Variants in COL13A1 observed in about 807,000 individuals in gnomAD.
COL13A1 encodes the protein collagen alpha-1(XIII) chain.
In COL13A1, 89 loss-of-function variants were observed where a neutral mutation model predicts 130.9. That is an observed-to-expected ratio of 0.68 (90% CI 0.57 to 0.81). The LOEUF (loss-of-function observed/expected upper bound fraction) is 0.81, where lower values mean the gene tolerates loss of function less well. Among genes scored for constraint, COL13A1 ranks in the 30% least tolerant of loss-of-function variants. The pLI is 0.00. For missense variants in COL13A1, 879 were observed against 934.6 expected (o/e 0.94, Z 0.78); for synonymous variants, 402 against 341.6 (o/e 1.18, Z -1.95).
chr10:69,892,888 C>G (rs1029818826), intron 10 of COL13A1, among the ~76,000 whole-genome samples: 1 of 152,178 alleles, frequency 6.6e-6, no homozygotes, highest in Non-Finnish European at 1.5e-5. Flanking sequence ...CCTGGGCCAC[C>G]GTTTGGGATG....
At chr10:69,860,747 G>C (rs1857818619) in intron 2 of COL13A1, 1 of 257,622 alleles carries the variant, frequency 3.9e-6, no homozygotes, top group Non-Finnish European at 7.7e-6. Flanking sequence ...TGAGCCCCAG[G>C]CTGCTATCCC....
chr10:69,849,133 C>T (rs1853984044), intron 2 of COL13A1, among the ~76,000 whole-genome samples: 1 of 152,208 alleles, frequency 6.6e-6, no homozygotes, highest in Non-Finnish European at 1.5e-5. Context: ...TTAGAATTTT[C>T]AAAGGTTCTG....
chr10:69,869,579 G>A (rs2058856420), intron 3 of COL13A1, among the ~76,000 whole-genome samples: 1 of 152,214 alleles, frequency 6.6e-6, no homozygotes, highest in Admixed American at 6.5e-5. Flanking sequence ...GAACATAACT[G>A]TGCAGGATGG....
At position 69,937,851 on chromosome 10, in the gene COL13A1, C is replaced by G. The variant is rs535051153; in HGVS notation, c.1878+136C>G. On this transcript the variant is annotated intron_variant, in intron 34 of 40. Transcript: ENST00000645393. ...GTTCCATGTGGTTTGTCTTTCCCAC[C>G]TGGGCAAGACCACAGGCTCTGATTC... The G allele has an allele frequency of 4.3e-4, 254 of 594,126 alleles. 1 individual carries two copies. Among genetic ancestry groups the G allele is most frequent in the African/African-American group, 4.0e-3 (213 of 53,420 alleles). 36.8% of individuals were successfully genotyped at this position (594,126 alleles called of 1,614,324 possible).
intron 1 of COL13A1, among the ~76,000 whole-genome samples, chr10:69,818,880 C>T (rs1227772): frequency 0.17 from 25,692 of 152,206 alleles, 2,453 homozygotes; most frequent in Non-Finnish European, 0.22. Flanking sequence ...ATCGACATAC[C>T]TAGAAAGAAT....
intron 2 of COL13A1, among the ~76,000 whole-genome samples, chr10:69,840,128 C>T (rs1047157403): frequency 1.3e-5 from 2 of 152,054 alleles, no homozygotes; most frequent in African/African-American, 2.4e-5. Context: ...GGCTGGCTGT[C>T]GGGTGAGAGA....
At chr10:69,814,291 C>T (rs73265619) in intron 1 of COL13A1, among the ~76,000 whole-genome samples, 6,105 of 152,280 alleles carry the variant, frequency 0.04, 196 homozygotes, top group East Asian at 0.15. Context: ...ACTCACCCTC[C>T]CTTTCCAGAA....
intron 1 of COL13A1, among the ~76,000 whole-genome samples, chr10:69,807,172 T>C (rs1281732408): frequency 6.6e-6 from 1 of 152,160 alleles, no homozygotes; most frequent in Non-Finnish European, 1.5e-5. Flanking sequence ...CCTGTAGTTA[T>C]AGGGTGCATA....
In COL13A1 at chr10:69,930,072, A is replaced by G. The variant is rs767779866; in HGVS notation, c.1515A>G (p.Gly505=). The change falls in exon 29 of 41, where the codon GGA becomes GGG. Residue 505 remains glycine (G), a synonymous_variant. Coordinates refer to ENST00000645393, the MANE Select transcript of COL13A1 (RefSeq NM_001368882.1). ...AGATTGGACTGCCAGGCCCTCCAGG[A>G]CACGATGGGGAAAAGGTATGAACAG... ...KGEIGLPGPP[G]HDGEKGPRGK... 11 of 1,613,980 alleles carry G rather than the reference A, an allele frequency of 6.8e-6. No individual in the cohort carries two copies. In the South Asian group the frequency reaches 1.2e-4, roughly 18 times the overall value.
intron 35 of COL13A1, among the ~76,000 whole-genome samples, chr10:69,943,325 C>T (rs1005288516): frequency 1.3e-5 from 2 of 152,236 alleles, no homozygotes; most frequent in Non-Finnish European, 2.9e-5. Flanking sequence ...CCCAAGTCAA[C>T]TCCTCCTGTC....
In COL13A1 at chr10:69,935,333, TC is replaced by T. The variant is rs1304347117; in HGVS notation, c.1729-13del. 1.0e-5 allele frequency: 16 copies of T among 1,574,260 alleles called. No individual in the cohort carries two copies. Among genetic ancestry groups the T allele is most frequent in the African/African-American group, 1.4e-5 (1 of 74,028 alleles). ...AGGGCCACTTCAAATGTAACAGGGC[TC>T]CCCTTTGGCTTTTAGGTTCCTGGGC... On this transcript the variant is annotated splice_polypyrimidine_tract_variant and intron_variant, in intron 31 of 40. Transcript: ENST00000645393.
intron 36 of COL13A1, among the ~76,000 whole-genome samples, 182 bp from the exon 37 acceptor site, chr10:69,945,489 G>A (rs2068364046): frequency 6.6e-6 from 1 of 152,188 alleles, no homozygotes; most frequent in Non-Finnish European, 1.5e-5. Flanking sequence ...GGGGGCTTCT[G>A]AGCCCCCTCC....
At chr10:69,937,115 C>T (rs1401451649) in intron 33 of COL13A1, among the ~76,000 whole-genome samples, 1 of 152,220 alleles carries the variant, frequency 6.6e-6, no homozygotes, top group African/African-American at 2.4e-5. Flanking sequence ...TAGGGTGGGA[C>T]CCCTCCCTGG....
chr10:69,809,842 G>T (rs1420580090), intron 1 of COL13A1, among the ~76,000 whole-genome samples: 1 of 152,246 alleles, frequency 6.6e-6, no homozygotes, highest in Admixed American at 6.5e-5. Context: ...CCCTTGTCCA[G>T]TCTTGGCCTC....
At chr10:69,833,369 C>T (rs992078113) in intron 2 of COL13A1, among the ~76,000 whole-genome samples, 1 of 152,228 alleles carries the variant, frequency 6.6e-6, no homozygotes, top group African/African-American at 2.4e-5. Context: ...AGCAGCCAGA[C>T]TTCTGGACTG....
At chr10:69,837,578 A>G (rs890396695) in intron 2 of COL13A1, among the ~76,000 whole-genome samples, 3 of 152,226 alleles carry the variant, frequency 2.0e-5, no homozygotes, top group African/African-American at 7.2e-5. Flanking sequence ...AACTATTTCT[A>G]GGGATGAAGT....
chr10:69,958,007 C>T (rs2071116596), intron 40 of COL13A1, among the ~76,000 whole-genome samples: 1 of 152,202 alleles, frequency 6.6e-6, no homozygotes, highest in African/African-American at 2.4e-5. Context: ...CAGAATCTCA[C>T]TAGTGCACTG....
At chr10:69,866,263 G>A (rs2058505564) in intron 2 of COL13A1, among the ~76,000 whole-genome samples, 2 of 152,194 alleles carry the variant, frequency 1.3e-5, no homozygotes, top group South Asian at 4.1e-4. Flanking sequence ...CTGTGTCACT[G>A]GGGACATCTC....
At chr10:69,905,697 G>C in intron 16 of COL13A1, 90 bp from the exon 17 acceptor site, 1 of 1,444,880 alleles carries the variant, frequency 6.9e-7, no homozygotes, top group Non-Finnish European at 9.6e-7. Flanking sequence ...GTCATCGAGA[G>C]GAAGAGGGAT....
Sources: allele counts gnomAD v4.1 joint callset (sites outside exome capture counted in the v4.1 genomes callset), GRCh38; gene constraint gnomAD v4.1.1; transcripts MANE v1.5; gene names NCBI Gene and HGNC (gene_info 2026-07-23, HGNC 2026-07-21).